TMEM272: variants seen among roughly 807,000 people sequenced by gnomAD.
The protein encoded by TMEM272 is transmembrane protein 272, also known as long intergenic non-protein coding RNA 282.
In TMEM272, 8 loss-of-function variants were observed where a neutral mutation model predicts 3.7. The observed-to-expected ratio is 2.17, with a 90% CI of 1.27 to 3.91. TMEM272 has a LOEUF of 3.91. TMEM272 is among the 30% of genes most tolerant of loss of function. TMEM272 has a pLI of 0.00. For missense variants in TMEM272, 166 were observed against 91.5 expected (o/e 1.81, Z -3.32); for synonymous variants, 63 against 39.8 (o/e 1.58, Z -2.20).
the TMEM272 span, among the ~76,000 whole-genome samples, chr13:51,894,751 G>A: frequency 5.3e-5 from 8 of 152,146 alleles, no homozygotes; most frequent in Admixed American, 4.6e-4. Context: ...GGACCAGGCT[G>A]GGGAATGGTT....
chr13:51,931,777 C>T, the TMEM272 span, among the ~76,000 whole-genome samples: 8 of 152,214 alleles, frequency 5.3e-5, no homozygotes, highest in South Asian at 6.2e-4. Flanking sequence ...CAGTCAAGCA[C>T]GCATGGCATG....
chr13:51,931,751 C>T, the TMEM272 span, among the ~76,000 whole-genome samples: 2 of 152,118 alleles, frequency 1.3e-5, no homozygotes. Flanking sequence ...TTTCTGTACC[C>T]AGGCATCCGG....
chr13:51,892,171 G>A, the TMEM272 span, among the ~76,000 whole-genome samples: 11 of 152,304 alleles, frequency 7.2e-5, no homozygotes, highest in African/African-American at 2.2e-4. Flanking sequence ...AGAAACTCAG[G>A]AAGAGCAGGA....
At chr13:51,890,707 G>A in the TMEM272 span, among the ~76,000 whole-genome samples, 2 of 152,182 alleles carry the variant, frequency 1.3e-5, no homozygotes, top group Non-Finnish European at 2.9e-5. Flanking sequence ...TCCTGCACTA[G>A]GACCCAACAG....
chr13:51,835,753 A>G (rs1423466684), intron 2 of TMEM272, among the ~76,000 whole-genome samples: 1 of 152,238 alleles, frequency 6.6e-6, no homozygotes, highest in Non-Finnish European at 1.5e-5. Flanking sequence ...AAACATTCAA[A>G]CAAATACAAA....
intron 4 of TMEM272, 123 bp from the exon 5 acceptor site, chr13:51,817,236 TG>T: frequency 1.7e-6 from 1 of 595,378 alleles, no homozygotes; most frequent in South Asian, 2.0e-5. Flanking sequence ...GAGAGGAAGG[TG>T]TTATGAAAAG....
the TMEM272 span, among the ~76,000 whole-genome samples, chr13:51,898,627 A>G: frequency 1.3e-5 from 2 of 149,774 alleles, no homozygotes; most frequent in South Asian, 4.3e-4. Flanking sequence ...TAGATAATAA[A>G]TGTTAGTTCT....
At chr13:51,887,677 G>A in the TMEM272 span, among the ~76,000 whole-genome samples, 1 of 152,144 alleles carries the variant, frequency 6.6e-6, no homozygotes, top group Non-Finnish European at 1.5e-5. Flanking sequence ...GGGAATTAGA[G>A]GTATTTGTTT....
intron 1 of TMEM272, among the ~76,000 whole-genome samples, chr13:51,842,685 T>C (rs1956272721): frequency 6.6e-6 from 1 of 152,234 alleles, no homozygotes; most frequent in South Asian, 2.1e-4. Flanking sequence ...ACATTTTACA[T>C]GGTTGCAATA....
chr13:51,888,622 TTTTC>T, the TMEM272 span, among the ~76,000 whole-genome samples: 1 of 146,874 alleles, frequency 6.8e-6, no homozygotes, highest in African/African-American at 2.5e-5. Context: ...AATTAATCCT[TTTTC>T]TTTTTTCTTT....
intron 1 of TMEM272, among the ~76,000 whole-genome samples, chr13:51,844,517 A>C (rs1161060683): frequency 6.6e-6 from 1 of 152,184 alleles, no homozygotes; most frequent in Admixed American, 6.5e-5. Flanking sequence ...GCCCGAATGC[A>C]TGAATTCAGT....
the TMEM272 span, among the ~76,000 whole-genome samples, chr13:51,860,989 A>G: frequency 2.6e-5 from 4 of 152,114 alleles, no homozygotes; most frequent in Admixed American, 6.5e-5. Flanking sequence ...GCATGTATAT[A>G]AAGTGGAATA....
chr13:51,925,149 C>T, the TMEM272 span, among the ~76,000 whole-genome samples: 2 of 152,202 alleles, frequency 1.3e-5, no homozygotes, highest in Non-Finnish European at 2.9e-5. Context: ...TTCTTAGTTG[C>T]TCATTTGTTT....
chr13:51,860,795 T>C, the TMEM272 span, among the ~76,000 whole-genome samples: 12 of 147,202 alleles, frequency 8.2e-5, no homozygotes, highest in African/African-American at 3.0e-4. Flanking sequence ...TATATAGATA[T>C]ATAGAAAAAA....
At chr13:51,886,473 C>G in the TMEM272 span, among the ~76,000 whole-genome samples, 1 of 152,154 alleles carries the variant, frequency 6.6e-6, no homozygotes, top group African/African-American at 2.4e-5. Flanking sequence ...ACAGAGCCGT[C>G]AAGTGACTTA....
intron 3 of TMEM272, among the ~76,000 whole-genome samples, chr13:51,823,757 G>A (rs1009222483): frequency 6.6e-6 from 1 of 152,208 alleles, no homozygotes; most frequent in African/African-American, 2.4e-5. Flanking sequence ...TAAATGCCTT[G>A]ATACTTAAGC....
the TMEM272 span, among the ~76,000 whole-genome samples, chr13:51,898,155 C>CTGCA: frequency 1.3e-5 from 2 of 151,586 alleles, no homozygotes; most frequent in African/African-American, 2.4e-5. Context: ...GAGGCAGAGG[C>CTGCA]TGCAGTAAGC....
chr13:51,886,008 A>G, the TMEM272 span, among the ~76,000 whole-genome samples: 8 of 152,258 alleles, frequency 5.3e-5, no homozygotes, highest in African/African-American at 1.9e-4. Flanking sequence ...TCAAAACTCC[A>G]TAAAGGAAGA....
the TMEM272 span, chr13:51,934,300 C>G: frequency 3.7e-6 from 1 of 272,106 alleles, no homozygotes; most frequent in Admixed American, 4.6e-5. Flanking sequence ...CTGAGGTAAA[C>G]TGTGGTCTCA....
Sources: allele counts gnomAD v4.1 joint callset (sites outside exome capture counted in the v4.1 genomes callset), GRCh38; gene constraint gnomAD v4.1.1; transcripts MANE v1.5; gene names NCBI Gene and HGNC (gene_info 2026-07-23, HGNC 2026-07-21).